Variants in NCOR2 observed in about 807,000 individuals in gnomAD.
The protein encoded by NCOR2 is CTG repeat protein 26.
In NCOR2, 81 loss-of-function variants were observed where a neutral mutation model predicts 262.9. That is an observed-to-expected ratio of 0.31 (90% confidence interval 0.26 to 0.37). The LOEUF is 0.37. NCOR2 is among the 10% of genes least tolerant of loss of function. The pLI, the probability that NCOR2 is intolerant of heterozygous loss-of-function variation, is 1.00. For synonymous variants in NCOR2, 1,659 were observed against 1,559.3 expected (o/e 1.06, Z -1.51); for missense variants, 3,385 against 3,621.4 (o/e 0.93, Z 1.68).
chr12:124,540,339 C>A (rs1157004506), upstream of NCOR2, among the ~76,000 whole-genome samples: 1 of 146,102 alleles, frequency 6.8e-6, no homozygotes, highest in East Asian at 2.1e-4. Context: ...GCAGAAGGCA[C>A]AGCCTGTGCA....
At chr12:124,525,786 G>A (rs1325675965) in intron 1 of NCOR2, among the ~76,000 whole-genome samples, 1 of 152,200 alleles carries the variant, frequency 6.6e-6, no homozygotes, top group African/African-American at 2.4e-5. Context: ...GGAGTCAGGC[G>A]TTCTGGGTTC....
At chr12:124,530,979 G>A (rs2050743314) in intron 1 of NCOR2, among the ~76,000 whole-genome samples, 1 of 152,140 alleles carries the variant, frequency 6.6e-6, no homozygotes, top group Non-Finnish European at 1.5e-5. Flanking sequence ...GCTGCCCCCA[G>A]GCCCCGAGGA....
At chr12:124,363,614 G>C in intron 21 of NCOR2, 65 bp downstream of exon 23, 1 of 1,304,628 alleles carries the variant, frequency 7.7e-7, no homozygotes, top group Non-Finnish European at 9.9e-7. Flanking sequence ...GGGATTCTCT[G>C]TCTCAATGAA....
intron 13 of NCOR2, among the ~76,000 whole-genome samples, chr12:124,404,073 G>C (rs1004249237): frequency 6.6e-6 from 1 of 152,238 alleles, no homozygotes; most frequent in Non-Finnish European, 1.5e-5. Flanking sequence ...ACCCTCAAAC[G>C]TAACGTTTAA....
intron 33 of NCOR2, among the ~76,000 whole-genome samples, chr12:124,342,301 C>T (rs2036520701): frequency 3.3e-5 from 5 of 152,162 alleles, no homozygotes; most frequent in Admixed American, 3.3e-4. Flanking sequence ...CAAAGTTGTC[C>T]CAAACATAGG....
At chr12:124,357,171 C>T (rs994223244) in intron 22 of NCOR2, among the ~76,000 whole-genome samples, 2 of 152,208 alleles carry the variant, frequency 1.3e-5, no homozygotes, top group African/African-American at 4.8e-5. Context: ...TTTTTTGAGA[C>T]AGGGTCTCCT....
rs1315319095 is a variant in NCOR2 at position 124,402,327 on chromosome 12, A to C, written c.1640+77T>G. 13 of 1,589,172 alleles carry C rather than the reference A, an allele frequency of 8.2e-6. No homozygotes were observed. The Admixed American group carries it at 8.5e-5, about 10-fold the overall frequency. ...TGGTGGGCACCCCACCCGTCTCTAC[A>C]AAGGGTCCCCCAGAACCGTGTGCCA... On this transcript the variant is annotated intron_variant, in intron 14 of 46. Transcript: ENST00000405201.
rs760708923 is a variant in NCOR2 at position 124,378,300 on chromosome 12, C to T, written c.2104G>A (p.Asp702Asn). The change falls in exon 18 of 47, where the codon GAT becomes AAT. Residue 702 changes from aspartate (D) to asparagine (N), a missense_variant. Physicochemically the swap from Asp to Asn is conservative, Grantham distance 23. This residue lies in a region of NCOR2 where 515 missense variants were observed against 781.2 expected (regional missense o/e 0.66). Transcript: ENST00000405201. The surrounding 1 kb of genome is among the most constrained non-coding windows in gnomAD (Gnocchi z 4.2). ...ACGCCCGACGCCTCCATCTCCTCATCCTCCACCACGGGCGGGAATGCAGCC... is the reference window on the plus strand; with the variant it reads ...ACGCCCGACGCCTCCATCTCCTCATTCTCCACCACGGGCGGGAATGCAGCC... 4.2e-5 allele frequency: 67 copies of T among 1,613,942 alleles called. 1 individual carries two copies. The highest frequency in any genetic ancestry group is 1.4e-5 in the Non-Finnish European group (16 of 1,179,920).
chr12:124,333,219 C>A lies in NCOR2; in HGVS notation c.6666G>T (p.Val2222=), dbSNP rs374008290. Residue 2222 remains valine (V), a synonymous_variant, in exon 42 of 47, where the codon GTG becomes GTT. Coordinates refer to ENST00000405201, the Ensembl canonical transcript of NCOR2. ...GCTCCGTCATGCCCTCCGGTGGGGA[C>A]ACAGGTTCAATACCGTCCTCACCAC... 3 of 1,613,222 alleles carry A rather than the reference C, an allele frequency of 1.9e-6. No individual in the cohort carries two copies. The South Asian group carries it at 3.3e-5, about 18-fold the overall frequency.
intron 13 of NCOR2, among the ~76,000 whole-genome samples, chr12:124,407,665 G>A (rs1008751328): frequency 2.0e-5 from 3 of 152,200 alleles, no homozygotes; most frequent in Non-Finnish European, 4.4e-5. Flanking sequence ...CCCACGTAGG[G>A]GTTGATGAGA....
chr12:124,355,034 G>C, intron 24 of NCOR2, 95 bp from the exon 27 acceptor site: 1 of 1,048,652 alleles, frequency 9.5e-7, no homozygotes, highest in African/African-American at 1.6e-5. Context: ...CCCACGTGTG[G>C]GTCAGAGGCT....
At chr12:124,436,482 C>A (rs1398523890) in intron 8 of NCOR2, among the ~76,000 whole-genome samples, 1 of 152,242 alleles carries the variant, frequency 6.6e-6, no homozygotes, top group Non-Finnish European at 1.5e-5. Flanking sequence ...CCGCCTCTTC[C>A]CCAGGTGGGG....
intron 6 of NCOR2, among the ~76,000 whole-genome samples, chr12:124,452,390 G>C (rs964245346): frequency 6.6e-6 from 1 of 152,210 alleles, no homozygotes; most frequent in Non-Finnish European, 1.5e-5. Context: ...TTTGGAAACA[G>C]ATAGGCCCCA....
Position 124,443,396 on chromosome 12 carries a change from C to G in NCOR2, c.816-5400G>C, listed in dbSNP as rs369045195. Among the ~76,000 whole-genome samples the G allele has an allele frequency of 2.0e-5, 3 of 152,384 alleles. No individual in the cohort carries two copies. Among genetic ancestry groups the G allele is most frequent in the South Asian group, 2.1e-4 (1 of 4,830 alleles). ...TACCACGCAAGAGGACACGTCAAGT[C>G]TGCAAACACATGTCAAGTCCGCAGG... is the stretch of plus-strand genomic sequence containing the variant. On this transcript the variant is annotated intron_variant, in intron 7 of 46. Transcript: ENST00000405201. The surrounding 1 kb of genome is among the most constrained non-coding windows in gnomAD (Gnocchi z 4.4).
At chr12:124,515,709 C>T (rs558428284) in intron 1 of NCOR2, among the ~76,000 whole-genome samples, 1 of 151,714 alleles carries the variant, frequency 6.6e-6, no homozygotes, top group South Asian at 2.1e-4. Context: ...GTTCGTGTGA[C>T]TGTGTGTATG....
rs537571945 is a variant in NCOR2, at chr12:124,509,859, ACCC to A, written c.-117-14494_-117-14492del. ...TGGGTCACTTCTCAGAGGCAGACAC[ACCC>A]CCCGACGGCCGCCCCCCACAGTAAC... On this transcript the variant is annotated intron_variant, in intron 1 of 46. Coordinates refer to the NCOR2 transcript ENST00000404621. 4.3e-4 allele frequency among the ~76,000 whole-genome samples: 65 copies of A among 150,634 alleles called. 1 individual carries two copies. The highest frequency in any genetic ancestry group is 6.8e-3 in the Middle Eastern group (2 of 292).
At chr12:124,363,795 G>A (rs773941028) in exon 21 of NCOR2, 5 of 1,354,998 alleles carry the variant, frequency 3.7e-6, no homozygotes, top group South Asian at 2.2e-5. Flanking sequence ...CTTGGGGACA[G>A]CAGCCTGCGG....
At position 124,440,635 on chromosome 12, in the gene NCOR2, C is replaced by T. The variant is rs138355475; in HGVS notation, c.816-2639G>A. Among the ~76,000 whole-genome samples, 735 of 152,334 alleles carry T rather than the reference C, an allele frequency of 4.8e-3. 4 individuals carry two copies. The highest frequency in any genetic ancestry group is 0.016 in the African/African-American group (655 of 41,578). On this transcript the variant is annotated intron_variant, in intron 7 of 46. Transcript: ENST00000405201. This position sits in a 1 kb window ranked among gnomAD's most constrained non-coding sequence, Gnocchi z 5.7. Reference sequence around the variant, plus strand: ...GGCACTGTTCCAGGTGCTGGGGACACAGCAGGGAGCAAGACACAGTTGAGG... The same window carrying T: ...GGCACTGTTCCAGGTGCTGGGGACATAGCAGGGAGCAAGACACAGTTGAGG...
chr12:124,496,408 C>G (rs568357140), upstream of NCOR2, among the ~76,000 whole-genome samples: 153 of 152,220 alleles, frequency 1.0e-3, no homozygotes, highest in African/African-American at 3.6e-3. The surrounding 1 kb of genome is among the most constrained non-coding windows in gnomAD (Gnocchi z 4.4). Flanking sequence ...CTCCAGCACC[C>G]CCACAATTGC....
Sources: gnomAD v4.1 joint callset for allele counts (sites outside exome capture counted in the v4.1 genomes callset) on GRCh38, gnomAD v4.1.1 for gene constraint, gnomAD v4.1.1 regional missense constraint, Gnocchi (gnomAD v3.1) non-coding constraint, MANE v1.5 for transcripts, NCBI Gene and HGNC (gene_info 2026-07-23, HGNC 2026-07-21) for gene names.